The following LTBP1 variants were observed in gnomAD, a reference collection of about 807,000 sequenced individuals.
The protein encoded by LTBP1 is latent-transforming growth factor beta-binding protein 1.
Under a neutral mutation model 207.6 loss-of-function variants are expected in LTBP1, and 129 were observed. The observed-to-expected ratio is 0.62, with a 90% CI of 0.54 to 0.72. The LOEUF is 0.72. LTBP1 is among the 30% of genes least tolerant of loss of function. The pLI is 0.00. For missense variants in LTBP1, 2,281 were observed against 2,217.2 expected (o/e 1.03, Z -0.58); for synonymous variants, 963 against 833.7 (o/e 1.16, Z -2.67).
intron 6 of LTBP1, 133 bp from the exon 7 acceptor site, chr2:33,188,444 A>AT: frequency 1.6e-6 from 1 of 609,944 alleles, no homozygotes; most frequent in South Asian, 2.2e-5. Context: ...AAAAAAAAAA[A>AT]GAATTTTGAT....
intron 3 of LTBP1, among the ~76,000 whole-genome samples, chr2:33,059,689 T>TACATGTTCAAA (rs1237314310): frequency 6.6e-6 from 1 of 152,190 alleles, no homozygotes; most frequent in Non-Finnish European, 1.5e-5. Flanking sequence ...ACCAAATACA[T>TACATGTTCAAA]GTCATTTAAG....
intron 9 of LTBP1, among the ~76,000 whole-genome samples, chr2:33,232,631 C>T (rs147709804): frequency 6.6e-6 from 1 of 152,170 alleles, no homozygotes; most frequent in East Asian, 1.9e-4. Context: ...AAATCCAGAA[C>T]CCAGTTAAAT....
chr2:33,252,993 C>A, intron 11 of LTBP1, 149 bp downstream of exon 11: 1 of 588,306 alleles, frequency 1.7e-6, no homozygotes, highest in Non-Finnish European at 2.6e-6. Context: ...AAACTGTACA[C>A]ATACAATGTT....
Position 33,246,403 on chromosome 2 carries a change from A to C in LTBP1, c.1999+2619A>C, listed in dbSNP as rs190333936. Reference sequence around the variant, plus strand: ...GTGATACTTACAGAGTAAAGGAAATAAATGAAAAGATAATGGTATTTTTGG... The same window carrying C: ...GTGATACTTACAGAGTAAAGGAAATCAATGAAAAGATAATGGTATTTTTGG... On this transcript the variant is annotated intron_variant, in intron 10 of 33. Transcript: ENST00000404816. 6.4e-4 allele frequency among the ~76,000 whole-genome samples: 98 copies of C among 152,304 alleles called. No homozygotes were observed. In the Middle Eastern group the frequency reaches 0.014, roughly 21 times the overall value.
chr2:33,220,570 A>G (rs1276074818), intron 8 of LTBP1, among the ~76,000 whole-genome samples: 1 of 152,260 alleles, frequency 6.6e-6, no homozygotes, highest in African/African-American at 2.4e-5. Context: ...GAAAATGAAC[A>G]TAAAATCCTA....
At position 33,170,898 on chromosome 2, in the gene LTBP1, C is replaced by T. The variant is rs1003321002; in HGVS notation, c.1202-15958C>T. 4.6e-5 allele frequency among the ~76,000 whole-genome samples: 7 copies of T among 152,174 alleles called. No individual in the cohort carries two copies. In the East Asian group the frequency reaches 1.3e-3, roughly 29 times the overall value. On this transcript the variant is annotated intron_variant, in intron 5 of 33. Transcript: ENST00000404816. ...CCACCGCTGCTGGTACCCAGGCAAA[C>T]AGGGTCTGGAGTGGACCTCTAGCAA...
At chr2:32,988,795 A>G (rs1314025878) in intron 2 of LTBP1, among the ~76,000 whole-genome samples, 1 of 152,238 alleles carries the variant, frequency 6.6e-6, no homozygotes, top group East Asian at 1.9e-4. Context: ...CAGTGATGTT[A>G]ACATTGTTTG....
In LTBP1 at chr2:33,045,770, T is replaced by G. The variant is rs577124355; in HGVS notation, c.863+24564T>G. 2.0e-5 allele frequency among the ~76,000 whole-genome samples: 3 copies of G among 152,342 alleles called. No individual in the cohort carries two copies. In the South Asian group the frequency reaches 6.2e-4, roughly 32 times the overall value. On this transcript the variant is annotated intron_variant, in intron 3 of 33. Transcript: ENST00000404816. The stretch of plus-strand genomic sequence containing the variant: ...GCATGGAATGTTTTTTCCATTTGTT[T>G]GTGTCCTGTCTTATTTCCTTGAGCA...
chr2:33,118,841 G>A (rs1012073855), intron 4 of LTBP1, among the ~76,000 whole-genome samples: 3 of 152,184 alleles, frequency 2.0e-5, no homozygotes, highest in Non-Finnish European at 2.9e-5. Context: ...CAGGGAAGCC[G>A]TACGAACATG....
At chr2:33,093,341 T>A (rs1199583338) in intron 3 of LTBP1, among the ~76,000 whole-genome samples, 2 of 152,192 alleles carry the variant, frequency 1.3e-5, no homozygotes, top group Non-Finnish European at 1.5e-5. Context: ...CTCTCCCTCC[T>A]ATTCAGTGAG....
intron 3 of LTBP1, among the ~76,000 whole-genome samples, chr2:33,027,113 A>G (rs1483477105): frequency 2.0e-5 from 3 of 152,174 alleles, no homozygotes; most frequent in African/African-American, 7.2e-5. Context: ...TATACCACCA[A>G]TGCTTACCAC....
intron 7 of LTBP1, 56 bp from the exon 8 acceptor site, chr2:33,217,495 TG>T: frequency 1.6e-6 from 2 of 1,222,142 alleles, no homozygotes; most frequent in Non-Finnish European, 2.4e-6. Flanking sequence ...AGCAGTGCTC[TG>T]GGGCTGGGCA....
Position 33,343,624 on chromosome 2 carries a change from C to T in LTBP1, c.3856+661C>T, listed in dbSNP as rs972682121. ...TTGAAATGCATCCCCTTAGACAGTG[C>T]GTTTAAGGCAAAGTATTGCCAGGAG... On this transcript the variant is annotated intron_variant, in intron 25 of 33. Transcript: ENST00000404816. Among the ~76,000 whole-genome samples, 5 of 152,148 alleles carry T rather than the reference C, an allele frequency of 3.3e-5. No individual in the cohort carries two copies. The South Asian group carries it at 6.2e-4, about 19-fold the overall frequency.
intron 3 of LTBP1, among the ~76,000 whole-genome samples, chr2:33,062,722 C>G (rs1427898818): frequency 6.6e-6 from 1 of 152,102 alleles, no homozygotes; most frequent in African/African-American, 2.4e-5. Flanking sequence ...CCAAGACCCC[C>G]AATGGATGCC....
At chr2:33,165,836 G>A (rs1421810443) in intron 5 of LTBP1, among the ~76,000 whole-genome samples, 1 of 152,198 alleles carries the variant, frequency 6.6e-6, no homozygotes, top group East Asian at 1.9e-4. Flanking sequence ...TACAGTTTTA[G>A]AAGTGAATTG....
At chr2:33,232,787 AG>A (rs2091860809) in intron 9 of LTBP1, among the ~76,000 whole-genome samples, 1 of 152,104 alleles carries the variant, frequency 6.6e-6, no homozygotes, top group African/African-American at 2.4e-5. Context: ...TCCTTTAGTG[AG>A]GGTCACTAAA....
At chr2:33,276,319 A>G (rs1300391469) in intron 18 of LTBP1, among the ~76,000 whole-genome samples, 8 of 152,218 alleles carry the variant, frequency 5.3e-5, no homozygotes, top group African/African-American at 1.9e-4. Flanking sequence ...TTTGTCTCCA[A>G]TGCTTTCTTT....
chr2:33,085,772 G>A (rs1311832831), intron 3 of LTBP1, among the ~76,000 whole-genome samples: 2 of 152,228 alleles, frequency 1.3e-5, no homozygotes, highest in African/African-American at 4.8e-5. Context: ...TAGCTATGTT[G>A]CTGGGTTGGG....
At chr2:33,010,125 G>A (rs1414492356) in intron 2 of LTBP1, among the ~76,000 whole-genome samples, 1 of 152,176 alleles carries the variant, frequency 6.6e-6, no homozygotes, top group Non-Finnish European at 1.5e-5. Context: ...TGGGGAGGAG[G>A]AGGGACCAGG....
Sources: gnomAD v4.1 joint callset for allele counts (sites outside exome capture counted in the v4.1 genomes callset) on GRCh38, gnomAD v4.1.1 for gene constraint, MANE v1.5 for transcripts, NCBI Gene and HGNC (gene_info 2026-07-23, HGNC 2026-07-21) for gene names.